Variants in GALNT11 observed in about 807,000 individuals in gnomAD.
GALNT11 encodes the protein polypeptide N-acetylgalactosaminyltransferase 11.
A neutral mutation model predicts 72.7 loss-of-function variants in GALNT11; 47 were observed. The observed-to-expected ratio is 0.65, with a 90% CI of 0.51 to 0.82. GALNT11 has a LOEUF of 0.82. GALNT11 is among the 40% of genes least tolerant of loss of function. The pLI is 0.00. For synonymous variants in GALNT11, 270 were observed against 286.6 expected (o/e 0.94, Z 0.58); for missense variants, 677 against 778.4 (o/e 0.87, Z 1.55).
chr7:152,118,495 G>T (rs1424531473), intron 9 of GALNT11, 183 bp from the exon 10 acceptor site: 11 of 536,124 alleles, frequency 2.1e-5, no homozygotes, highest in Non-Finnish European at 3.2e-5. Flanking sequence ...TATAACTTTT[G>T]TCTATCTTGA....
intron 1 of GALNT11, among the ~76,000 whole-genome samples, chr7:152,076,967 C>T (rs1229688892): frequency 6.6e-6 from 1 of 152,168 alleles, no homozygotes. Context: ...TGGCTCATGC[C>T]TATAATCCCA....
rs140661942 is a variant in GALNT11 at position 152,090,300 on chromosome 7, CTGT to C, written c.-38-3885_-38-3883del. Among the ~76,000 whole-genome samples the C allele has an allele frequency of 5.3e-3, 799 of 152,188 alleles. 8 individuals are homozygous for C. The highest frequency in any genetic ancestry group is 0.019 in the African/African-American group (770 of 41,524). ...CTTTTAAAGAACCAGCATTTGGCTT[CTGT>C]TGTTTTATTTTCATTTTCTATTAAT... On this transcript the variant is annotated intron_variant, in intron 1 of 11. Transcript: ENST00000430044.
At chr7:152,066,083 C>T (rs2084292672) in intron 1 of GALNT11, among the ~76,000 whole-genome samples, 1 of 152,236 alleles carries the variant, frequency 6.6e-6, no homozygotes, top group African/African-American at 2.4e-5. Context: ...CGGTGGGCTC[C>T]ACCCAGTTTG....
intron 1 of GALNT11, among the ~76,000 whole-genome samples, chr7:152,083,647 G>A (rs963756509): frequency 1.3e-5 from 2 of 152,002 alleles, no homozygotes; most frequent in Admixed American, 6.6e-5. Context: ...TTTTTCCAAA[G>A]TTTACCTGGC....
At position 152,118,726 on chromosome 7, in the gene GALNT11, A is replaced by C. The variant is rs779511641; in HGVS notation, c.1501A>C (p.Ser501Arg). The C allele has an allele frequency of 6.2e-7, 1 of 1,611,976 alleles. No homozygotes were observed. Among genetic ancestry groups the C allele is most frequent in the South Asian group, 1.1e-5 (1 of 90,756 alleles). The change falls in exon 10 of 12, where the codon AGT becomes CGT. Residue 501 changes from serine to arginine, a missense_variant. Ser to Arg is a moderately radical substitution (Grantham distance 110, BLOSUM62 -1). Coordinates refer to ENST00000430044, the MANE Select transcript of GALNT11 (RefSeq NM_022087.4). ...ATGCCTGGTGGCCCAGGGCCGCCCA[A>C]GTCAGAAGGGAGGTCTCGTGGTGCT... is the stretch of plus-strand genomic sequence containing the variant. The part of the protein sequence containing the change: ...NKCLVAQGRP[S>R]QKGGLVVLKA...
intron 10 of GALNT11, 122 bp from the exon 11 acceptor site, chr7:152,120,709 G>C: frequency 1.2e-6 from 1 of 824,226 alleles, no homozygotes; most frequent in Non-Finnish European, 1.9e-6. Flanking sequence ...TTCCCTGTAA[G>C]TCTAGTGCAT....
chr7:152,077,214 T>C (rs760484565), intron 1 of GALNT11, among the ~76,000 whole-genome samples: 1 of 152,216 alleles, frequency 6.6e-6, no homozygotes, highest in Admixed American at 6.5e-5. Context: ...GTGCTTCCGA[T>C]AATGGCCTGA....
chr7:152,052,423 C>T (rs1041971676), intron 1 of GALNT11, among the ~76,000 whole-genome samples: 12 of 151,818 alleles, frequency 7.9e-5, no homozygotes, highest in Non-Finnish European at 4.4e-5. Context: ...TACAGTATAC[C>T]TATATATAGT....
chr7:152,032,244 T>C (rs2082337498), intron 1 of GALNT11, among the ~76,000 whole-genome samples: 1 of 152,172 alleles, frequency 6.6e-6, no homozygotes, highest in Non-Finnish European at 1.5e-5. Flanking sequence ...GGGCTATCCC[T>C]AAACCCTTGG....
intron 1 of GALNT11, among the ~76,000 whole-genome samples, chr7:152,063,004 CT>C (rs1275402867): frequency 1.3e-5 from 2 of 152,212 alleles, no homozygotes; most frequent in Non-Finnish European, 2.9e-5. Flanking sequence ...AGGATTCCCT[CT>C]TTTTCTATTG....
At chr7:152,090,099 T>C (rs560344261) in intron 1 of GALNT11, among the ~76,000 whole-genome samples, 2 of 152,312 alleles carry the variant, frequency 1.3e-5, no homozygotes, top group East Asian at 3.9e-4. Flanking sequence ...GGGCTAGTTA[T>C]AGGGAGGGGC....
rs575631811 is a variant in GALNT11 at position 152,030,002 on chromosome 7, TCA to T, written c.-39+4119_-39+4120del. Reference sequence around the variant, plus strand: ...GAGTTACAGAGAAGGCCTTCAATTATCAGTTATAGGTTTTAACTTTACTGTGG... The same window carrying T: ...GAGTTACAGAGAAGGCCTTCAATTATGTTATAGGTTTTAACTTTACTGTGG... On this transcript the variant is annotated intron_variant, in intron 1 of 11. Transcript: ENST00000430044. 5.3e-5 allele frequency among the ~76,000 whole-genome samples: 8 copies of T among 152,378 alleles called. No individual in the cohort carries two copies. In the East Asian group the frequency reaches 1.5e-3, roughly 29 times the overall value.
chr7:152,066,587 C>T (rs1352165226), intron 1 of GALNT11, among the ~76,000 whole-genome samples: 1 of 152,236 alleles, frequency 6.6e-6, no homozygotes. Context: ...GAACCACCCC[C>T]AATCACTTGT....
intron 9 of GALNT11, chr7:152,118,147 G>C (rs984983230): frequency 1.9e-5 from 3 of 154,838 alleles, no homozygotes; most frequent in African/African-American, 7.2e-5. Flanking sequence ...CCCAGTATCA[G>C]GATGTTTAGT....
chr7:152,106,214 G>C (rs2087535944), intron 5 of GALNT11, among the ~76,000 whole-genome samples: 1 of 152,234 alleles, frequency 6.6e-6, no homozygotes, highest in Admixed American at 6.5e-5. Flanking sequence ...AAAATCATTT[G>C]AGAATGATGG....
At chr7:152,030,501 A>G (rs954438734) in intron 1 of GALNT11, among the ~76,000 whole-genome samples, 3 of 152,210 alleles carry the variant, frequency 2.0e-5, no homozygotes, top group Non-Finnish European at 2.9e-5. Context: ...TCTATGATCT[A>G]TATTTAGTAT....
At chr7:152,089,408 A>G (rs778330703) in intron 1 of GALNT11, among the ~76,000 whole-genome samples, 12 of 152,240 alleles carry the variant, frequency 7.9e-5, no homozygotes, top group Non-Finnish European at 1.5e-4. Flanking sequence ...AAGGGTGCTC[A>G]TCGCAGTTGG....
At chr7:152,049,957 A>C (rs1266808933) in intron 1 of GALNT11, among the ~76,000 whole-genome samples, 2 of 152,094 alleles carry the variant, frequency 1.3e-5, no homozygotes, top group Admixed American at 1.3e-4. Context: ...AGGGCTCTTC[A>C]GTCAGCTTGT....
chr7:152,089,608 G>C (rs767269193), intron 1 of GALNT11, among the ~76,000 whole-genome samples: 3 of 152,186 alleles, frequency 2.0e-5, no homozygotes, highest in Non-Finnish European at 2.9e-5. Context: ...AGGAAAAGAG[G>C]AAGTTGCTTA....
Sources: gnomAD v4.1 joint callset for allele counts (sites outside exome capture counted in the v4.1 genomes callset) on GRCh38, gnomAD v4.1.1 for gene constraint, MANE v1.5 for transcripts, NCBI Gene and HGNC (gene_info 2026-07-23, HGNC 2026-07-21) for gene names.